IMMP2L: variants seen among roughly 807,000 people sequenced by gnomAD.
IMMP2L encodes the protein inner mitochondrial membrane peptidase subunit 2, also known as mitochondrial inner membrane protease subunit 2.
IMMP2L carries 18 observed loss-of-function variants against 19.3 expected under a neutral mutation model. That is an observed-to-expected ratio of 0.93 (90% CI 0.64 to 1.38). The LOEUF (loss-of-function observed/expected upper bound fraction) is 1.38, where lower values mean the gene tolerates loss of function less well. IMMP2L is among the 40% of genes most tolerant of loss of function. IMMP2L has a pLI of 0.00. For missense variants in IMMP2L, 233 were observed against 218.2 expected (o/e 1.07, Z -0.43); for synonymous variants, 76 against 73.0 (o/e 1.04, Z -0.21).
chr7:110,794,614 T>C (rs1291131614), intron 5 of IMMP2L, among the ~76,000 whole-genome samples: 1 of 152,038 alleles, frequency 6.6e-6, no homozygotes, highest in Non-Finnish European at 1.5e-5. Flanking sequence ...CAAAACATCA[T>C]CACAAAACAA....
Position 111,142,325 on chromosome 7 carries a change from CAA to C in IMMP2L, c.240-178762_240-178761del, listed in dbSNP as rs761556733. Among the ~76,000 whole-genome samples the C allele has an allele frequency of 1.2e-3, 75 of 62,482 alleles. 3 individuals are homozygous for C. The highest frequency in any genetic ancestry group is 4.2e-3 in the African/African-American group (70 of 16,696). The allele number at this position is 62,482 out of a possible 152,430, so 41.0% of individuals were successfully genotyped here. A position where few individuals can be genotyped will look rare whatever the true frequency, so the allele number is the denominator to read the frequency against. ...TGGGCAACAGGGTGAGACTCTGTCT[CAA>C]AAAAAAAAAAAAAAAAGAAAGAAAG... is the stretch of plus-strand genomic sequence containing the variant. On this transcript the variant is annotated intron_variant, in intron 3 of 5. Coordinates refer to ENST00000405709, the MANE Select transcript of IMMP2L (RefSeq NM_032549.4).
At chr7:110,896,293 A>G (rs1034443925) in intron 4 of IMMP2L, among the ~76,000 whole-genome samples, 1 of 152,184 alleles carries the variant, frequency 6.6e-6, no homozygotes, top group African/African-American at 2.4e-5. Flanking sequence ...AGTTTTTGCT[A>G]AAATGATGAT....
intron 5 of IMMP2L, among the ~76,000 whole-genome samples, chr7:110,732,792 CTTT>C (rs1251223681): frequency 5.0e-5 from 7 of 140,874 alleles, no homozygotes; most frequent in Admixed American, 7.2e-5. Context: ...CAATGAATTT[CTTT>C]TTTTTTTTTT....
chr7:110,730,551 C>T (rs1303878944), intron 5 of IMMP2L, among the ~76,000 whole-genome samples: 6 of 148,926 alleles, frequency 4.0e-5, no homozygotes, highest in Non-Finnish European at 7.4e-5. Flanking sequence ...TTTTTTGAGA[C>T]GGAGTCTCGC....
At chr7:111,553,401 T>A (rs1370294376) in intron 1 of IMMP2L, among the ~76,000 whole-genome samples, 2 of 152,194 alleles carry the variant, frequency 1.3e-5, no homozygotes, top group Non-Finnish European at 2.9e-5. Flanking sequence ...ACACAGTATA[T>A]GTCCCTGCAT....
intron 3 of IMMP2L, among the ~76,000 whole-genome samples, chr7:111,269,856 ATTTTT>A (rs1818256619): frequency 6.6e-6 from 1 of 152,112 alleles, no homozygotes; most frequent in South Asian, 2.1e-4. Flanking sequence ...GAGTTGCACC[ATTTTT>A]GGCTACCTAT....
intron 4 of IMMP2L, chr7:110,962,943 T>C: frequency 4.2e-6 from 6 of 1,422,364 alleles, no homozygotes; most frequent in Non-Finnish European, 5.5e-6. Context: ...TCAACAATTG[T>C]TCTTGATTTA....
chr7:111,288,541 T>C (rs1190197297), intron 3 of IMMP2L, among the ~76,000 whole-genome samples: 10 of 152,168 alleles, frequency 6.6e-5, no homozygotes, highest in Admixed American at 6.5e-4. Flanking sequence ...AAAGGGCTAA[T>C]ATCCAGAATC....
intron 3 of IMMP2L, among the ~76,000 whole-genome samples, chr7:111,481,374 G>A (rs1199962660): frequency 6.6e-6 from 1 of 152,120 alleles, no homozygotes; most frequent in Admixed American, 6.6e-5. Context: ...GCTTTGATGT[G>A]AGGCACTTCA....
chr7:110,871,726 A>G (rs1808554958), intron 5 of IMMP2L, among the ~76,000 whole-genome samples: 1 of 152,162 alleles, frequency 6.6e-6, no homozygotes, highest in African/African-American at 2.4e-5. Flanking sequence ...CAGATTCAGA[A>G]CTTTAATAGT....
intron 3 of IMMP2L, among the ~76,000 whole-genome samples, chr7:111,202,355 T>G (rs1427111564): frequency 1.3e-5 from 2 of 152,182 alleles, no homozygotes; most frequent in Non-Finnish European, 2.9e-5. Context: ...ATAACAAGTT[T>G]CAAGAATCAA....
In IMMP2L at chr7:110,777,181, C is replaced by T. The variant is rs1276895689; in HGVS notation, c.408+109412G>A. On this transcript the variant is annotated intron_variant, in intron 5 of 5. Coordinates refer to ENST00000405709, the MANE Select transcript of IMMP2L (RefSeq NM_032549.4). The stretch of plus-strand genomic sequence containing the variant: ...TTGGCACACCATTCAGGGATGCATA[C>T]TTCTTAAGACTGCATTCTTGTGCAA... 2.6e-5 allele frequency among the ~76,000 whole-genome samples: 4 copies of T among 151,980 alleles called. No homozygotes were observed. The East Asian group carries it at 7.8e-4, about 29-fold the overall frequency.
At chr7:110,769,127 G>A (rs942060247) in intron 5 of IMMP2L, among the ~76,000 whole-genome samples, 7 of 152,000 alleles carry the variant, frequency 4.6e-5, no homozygotes, top group Non-Finnish European at 8.8e-5. Flanking sequence ...TTTCATTCTC[G>A]CAGCACATTT....
intron 5 of IMMP2L, among the ~76,000 whole-genome samples, chr7:110,776,719 C>A (rs747051563): frequency 2.0e-4 from 30 of 152,010 alleles, no homozygotes; most frequent in Non-Finnish European, 3.1e-4. Context: ...CACTTATCCT[C>A]AATTTCTAGA....
At chr7:111,522,610 G>T (rs1013876703) in intron 1 of IMMP2L, among the ~76,000 whole-genome samples, 2 of 151,990 alleles carry the variant, frequency 1.3e-5, no homozygotes, top group Non-Finnish European at 2.9e-5. Context: ...TTCCACCCCA[G>T]TTAGAATGGC....
intron 5 of IMMP2L, among the ~76,000 whole-genome samples, chr7:110,884,775 C>T (rs1810042207): frequency 6.6e-6 from 1 of 151,898 alleles, no homozygotes; most frequent in Non-Finnish European, 1.5e-5. Context: ...GTATACCTTA[C>T]AAAAATTAGA....
At chr7:111,054,383 G>A (rs902450369) in intron 3 of IMMP2L, among the ~76,000 whole-genome samples, 3 of 152,140 alleles carry the variant, frequency 2.0e-5, no homozygotes, top group Non-Finnish European at 4.4e-5. Context: ...GACATCAACT[G>A]GCACATATGC....
chr7:111,476,639 T>C (rs1299564979), intron 3 of IMMP2L, among the ~76,000 whole-genome samples: 2 of 152,106 alleles, frequency 1.3e-5, no homozygotes, highest in Non-Finnish European at 2.9e-5. Flanking sequence ...TCCAGGCTCA[T>C]TAAGTTGTTG....
intron 3 of IMMP2L, among the ~76,000 whole-genome samples, chr7:110,966,093 A>G (rs180961163): frequency 6.6e-6 from 1 of 152,188 alleles, no homozygotes; most frequent in Admixed American, 6.6e-5. Context: ...TACAGTCATT[A>G]AAAATGATGT....
Sources: allele counts gnomAD v4.1 joint callset (sites outside exome capture counted in the v4.1 genomes callset), GRCh38; gene constraint gnomAD v4.1.1; transcripts MANE v1.5; gene names NCBI Gene and HGNC (gene_info 2026-07-23, HGNC 2026-07-21).